INPPL1: variants seen among roughly 807,000 people sequenced by gnomAD.
INPPL1 encodes the protein phosphatidylinositol 3,4,5-trisphosphate 5-phosphatase 2.
A neutral mutation model predicts 139.3 loss-of-function variants in INPPL1; 91 were observed. The ratio of observed to expected loss-of-function variants is 0.65; its 90% confidence interval spans 0.55 to 0.78. INPPL1 has a LOEUF of 0.78. Ranked by LOEUF, INPPL1 falls within the 30% of genes least tolerant of loss-of-function variation. INPPL1 has a pLI of 0.00. For synonymous variants in INPPL1, 719 were observed against 686.6 expected, an observed-to-expected ratio of 1.05 and a Z score of -0.74; for missense variants, 1,411 against 1,665.6, an observed-to-expected ratio of 0.85 and a Z score of 2.66.
At chr11:72,237,960 C>T in intron 26 of INPPL1, 82 bp from the exon 27 acceptor site, 1 of 1,472,510 alleles carries the variant, frequency 6.8e-7, no homozygotes, top group Admixed American at 2.6e-5. Context: ...CCTTCCTTTT[C>T]CCCAGAGCAT....
rs112903949 is a variant in INPPL1, at chr11:72,234,732, A to AGT, written c.2415+148_2415+149dup. On this transcript the variant is annotated intron_variant, in intron 21 of 27. Coordinates refer to ENST00000298229, the MANE Select transcript of INPPL1 (RefSeq NM_001567.4). The surrounding 1 kb of genome is among the most constrained non-coding windows in gnomAD (Gnocchi z 4.2). ...GGGGCCAGCAGAGAGAGAGAGAGAG[A>AGT]GTGTGTGTGTGTGTGTGTGTGTGTG... 61,714 of 514,928 alleles carry AGT rather than the reference A, an allele frequency of 0.12. 1,577 individuals carry two copies. Among genetic ancestry groups the AGT allele is most frequent in the Non-Finnish European group, 0.14 (40,020 of 289,470 alleles). The allele number at this position is 514,928 out of a possible 1,614,324, so 31.9% of individuals were successfully genotyped here. A position where few individuals can be genotyped will look rare whatever the true frequency, so the allele number is the denominator to read the frequency against.
chr11:72,226,945 C>T (rs1948692305), intron 1 of INPPL1, among the ~76,000 whole-genome samples: 1 of 151,996 alleles, frequency 6.6e-6, no homozygotes, highest in Admixed American at 6.6e-5. Context: ...GGTGAGGGGT[C>T]TGTCTGTGAG....
Position 72,235,630 on chromosome 11 carries a change from C to T in INPPL1, c.2660-45C>T. The T allele has an allele frequency of 6.2e-7, 1 of 1,600,280 alleles. No homozygotes were observed. The highest frequency in any genetic ancestry group is 8.6e-7 in the Non-Finnish European group (1 of 1,168,406). On this transcript the variant is annotated intron_variant, in intron 23 of 27. Transcript: ENST00000298229. The surrounding 1 kb of genome is among the most constrained non-coding windows in gnomAD (Gnocchi z 4.9). ...CAGGCCCACTGGGTGTCTGTGGGAT[C>T]CAGGAGCCCAGGTCTCCTCTGAGTC...
rs1948789350 is a variant in INPPL1, at chr11:72,230,100, G to T, written c.940-21G>T. 5 of 1,611,562 alleles carry T rather than the reference G, an allele frequency of 3.1e-6. No individual in the cohort carries two copies. In the East Asian group the frequency reaches 1.1e-4, roughly 36 times the overall value. Reference sequence around the variant, plus strand: ...TGCCTACTCCAAGGTCTTGTCAGCAGCCTCCCCACCTGGCCTACAGGTGAA... The same window carrying T: ...TGCCTACTCCAAGGTCTTGTCAGCATCCTCCCCACCTGGCCTACAGGTGAA... On this transcript the variant is annotated intron_variant, in intron 8 of 27. Coordinates refer to ENST00000298229, the MANE Select transcript of INPPL1 (RefSeq NM_001567.4).
rs117865102 is a variant in INPPL1 at position 72,233,380 on chromosome 11, G to A, written c.2041-61G>A. On this transcript the variant is annotated intron_variant, in intron 17 of 27. Coordinates refer to ENST00000298229, the MANE Select transcript of INPPL1 (RefSeq NM_001567.4). ...TGGGGACTCATCAGCTCTGGAGTGG[G>A]GTCCATGCCAAGCAGCCTCCTAGCT... 5.9e-3 allele frequency: 8,426 copies of A among 1,428,080 alleles called. 22 individuals are homozygous for A. Among genetic ancestry groups the A allele is most frequent in the Non-Finnish European group, 7.3e-3 (7,351 of 1,012,324 alleles). The allele number at this position is 1,428,080 out of a possible 1,614,324, so 88.5% of individuals were successfully genotyped here. A position where few individuals can be genotyped will look rare whatever the true frequency, so the allele number is the denominator to read the frequency against.
In INPPL1 at chr11:72,228,156, G is replaced by C; in HGVS notation, c.183-34G>C. On this transcript the variant is annotated intron_variant, in intron 1 of 27. Coordinates refer to ENST00000298229, the MANE Select transcript of INPPL1 (RefSeq NM_001567.4). The surrounding 1 kb of genome is among the most constrained non-coding windows in gnomAD (Gnocchi z 5.0). ...GCTTTGGGTCTTAGACCCCAGCCTG[G>C]GGGTGACAGATTCTGGCCCTGCCTT... The C allele has an allele frequency of 6.2e-7, 1 of 1,612,974 alleles. No homozygotes were observed. The highest frequency in any genetic ancestry group is 8.5e-7 in the Non-Finnish European group (1 of 1,179,004).
At position 72,235,849 on chromosome 11, in the gene INPPL1, A is replaced by G. The variant is rs1275146109; in HGVS notation, c.2742A>G (p.Ser914=). Residue 914 remains serine (S), a synonymous_variant, in exon 25 of 28, where the codon TCA becomes TCG. Coordinates refer to ENST00000298229, the MANE Select transcript of INPPL1 (RefSeq NM_001567.4). This position sits in a 1 kb window ranked among gnomAD's most constrained non-coding sequence, Gnocchi z 4.9. The part of the protein sequence containing the change: ...SVSRGSQEPR[S]GSRKPAFTEA... ...CTCTCCTGTGCATCCCTGGCAGGTC[A>G]GGGAGCCGCAAGCCAGCCTTCACAG... 9 of 1,612,226 alleles carry G rather than the reference A, an allele frequency of 5.6e-6. No homozygotes were observed. Among genetic ancestry groups the G allele is most frequent in the Non-Finnish European group, 7.6e-6 (9 of 1,179,286 alleles).
chr11:72,228,567 C>A lies in INPPL1; in HGVS notation c.397+69C>A, dbSNP rs748448649. On this transcript the variant is annotated intron_variant, in intron 3 of 27. Coordinates refer to ENST00000298229, the MANE Select transcript of INPPL1 (RefSeq NM_001567.4). The surrounding 1 kb of genome is among the most constrained non-coding windows in gnomAD (Gnocchi z 5.0). The stretch of plus-strand genomic sequence containing the variant: ...GCTCTACCTGCCTCTTCCCATCCCC[C>A]CTTCTCAACCCCACCTCTCCTGTAA... 4.2e-5 allele frequency: 66 copies of A among 1,573,670 alleles called. No individual in the cohort carries two copies. Among genetic ancestry groups the A allele is most frequent in the Non-Finnish European group, 5.3e-5 (62 of 1,159,560 alleles).
intron 13 of INPPL1, among the ~76,000 whole-genome samples, chr11:72,231,820 A>G (rs1948843322): frequency 1.3e-5 from 2 of 152,108 alleles, no homozygotes; most frequent in South Asian, 4.1e-4. Context: ...CCCCCTTTTC[A>G]CAGATGATAA....
chr11:72,228,292 C>T lies in INPPL1; in HGVS notation c.246+39C>T. 6.2e-7 allele frequency: 1 copy of T among 1,614,036 alleles called. No individual in the cohort carries two copies. Among genetic ancestry groups the T allele is most frequent in the East Asian group, 2.2e-5 (1 of 44,860 alleles). ...CCCCTGACCCCTGACCTTGATCCAGCCTAGGGCTTGGGGACCTGCTGGCTG... is the reference window on the plus strand; with the variant it reads ...CCCCTGACCCCTGACCTTGATCCAGTCTAGGGCTTGGGGACCTGCTGGCTG... On this transcript the variant is annotated intron_variant, in intron 2 of 27. Transcript: ENST00000298229. The surrounding 1 kb of genome is among the most constrained non-coding windows in gnomAD (Gnocchi z 5.0).
rs2135426714 is a variant in INPPL1 at position 72,230,167 on chromosome 11, C to T, written c.986C>T (p.Ser329Leu). 1 of 1,611,494 alleles carries T rather than the reference C, an allele frequency of 6.2e-7. No individual in the cohort carries two copies. The highest frequency in any genetic ancestry group is 1.1e-5 in the South Asian group (1 of 90,852). Residue 329 changes from serine to leucine, a missense_variant, in exon 9 of 28, where the codon TCA becomes TTA. Coordinates refer to ENST00000298229, the MANE Select transcript of INPPL1 (RefSeq NM_001567.4). ...TLGDLTKIGK[S>L]QKFTLSVDVE... ...GGTGACCTGACCAAGATTGGGAAGT[C>T]ACAGAAGTTCACGCTGAGCGTGGAT... is the stretch of plus-strand genomic sequence containing the variant.
rs1306673982 is a variant in INPPL1 at position 72,231,520 on chromosome 11, A to G, written c.1520A>G (p.Asn507Ser). 1 of 1,613,864 alleles carries G rather than the reference A, an allele frequency of 6.2e-7. No individual in the cohort carries two copies. The change falls in exon 13 of 28, where the codon AAT becomes AGT. Residue 507 changes from asparagine (N) to serine (S), a missense_variant. By Grantham distance (46) the Asn-to-Ser change is conservative. Transcript: ENST00000298229. ...YRPIAMQSLWNIKVAVLVKPE... is the reference protein window; with the variant it reads ...YRPIAMQSLWSIKVAVLVKPE... The stretch of plus-strand genomic sequence containing the variant: ...CAGATTGCCATGCAATCACTGTGGA[A>G]TATCAAGGTGGCAGTGCTGGTCAAG...
Position 72,224,958 on chromosome 11 carries a change from C to T in INPPL1, c.-27C>T, listed in dbSNP as rs1236938188. On this transcript the variant is annotated 5_prime_UTR_variant, in exon 1 of 28. Transcript: ENST00000298229. ...GGCGGATGGCGCGGGGCGGCGGGGG[C>T]GGGCGGTGCTGAGCCCTGCGCGGGC... The T allele has an allele frequency of 4.1e-5, 45 of 1,087,088 alleles. No individual in the cohort carries two copies. Among genetic ancestry groups the T allele is most frequent in the Non-Finnish European group, 5.0e-5 (45 of 896,486 alleles). 67.3% of individuals were successfully genotyped at this position (1,087,088 alleles called of 1,614,324 possible). A position where few individuals can be genotyped will look rare whatever the true frequency, so the allele number is the denominator to read the frequency against.
chr11:72,225,445 G>T (rs1196311221), intron 1 of INPPL1: 2 of 985,264 alleles, frequency 2.0e-6, no homozygotes, highest in Non-Finnish European at 2.4e-6. Flanking sequence ...GGCATTCCCC[G>T]GCAGACCCCT....
chr11:72,231,247 C>G, intron 12 of INPPL1, 58 bp downstream of exon 12: 1 of 1,507,608 alleles, frequency 6.6e-7, no homozygotes, highest in Non-Finnish European at 9.0e-7. Context: ...CCAAACTAGC[C>G]TACTTGACTT....
chr11:72,230,539 G>A lies in INPPL1; in HGVS notation c.1197+71G>A, dbSNP rs1399835932. On this transcript the variant is annotated intron_variant, in intron 10 of 27. Transcript: ENST00000298229. ...CCACATGGGTGCTTCCCATTGGAGG[G>A]TAAGAAAGGGAACACATGATGTAGG... 5.0e-6 allele frequency: 7 copies of A among 1,398,084 alleles called. No homozygotes were observed. In the African/African-American group the frequency reaches 5.7e-5, roughly 11 times the overall value. The allele number at this position is 1,398,084 out of a possible 1,614,324, so 86.6% of individuals were successfully genotyped here. A position where few individuals can be genotyped will look rare whatever the true frequency, so the allele number is the denominator to read the frequency against.
upstream of INPPL1, among the ~76,000 whole-genome samples, chr11:72,224,172 GCC>G: frequency 6.6e-6 from 1 of 152,158 alleles, no homozygotes; most frequent in East Asian, 2.0e-4. Context: ...CCTCGTCTGG[GCC>G]CCCCGCCAGA....
Position 72,238,028 on chromosome 11 carries a change from C to T in INPPL1, c.3553-14C>T, listed in dbSNP as rs1468730167. ...GGGGCACTCAGCTCCCCCTGACATGCCCTGTTTCCTTAGGCTCCGTGCCTG... is the reference window on the plus strand; with the variant it reads ...GGGGCACTCAGCTCCCCCTGACATGTCCTGTTTCCTTAGGCTCCGTGCCTG... On this transcript the variant is annotated splice_polypyrimidine_tract_variant and intron_variant, in intron 26 of 27. Transcript: ENST00000298229. 6.5e-7 allele frequency: 1 copy of T among 1,530,286 alleles called. No individual in the cohort carries two copies. Among genetic ancestry groups the T allele is most frequent in the Non-Finnish European group, 8.8e-7 (1 of 1,140,552 alleles). The allele number at this position is 1,530,286 out of a possible 1,614,324, so 94.8% of individuals were successfully genotyped here. A position where few individuals can be genotyped will look rare whatever the true frequency, so the allele number is the denominator to read the frequency against.
intron 26 of INPPL1, 106 bp downstream of exon 26, chr11:72,237,902 A>T: frequency 6.9e-7 from 1 of 1,450,300 alleles, no homozygotes; most frequent in Non-Finnish European, 9.2e-7. Flanking sequence ...TGCTACCCTG[A>T]ACTGATCACT....
Sources: gnomAD v4.1 joint callset for allele counts (sites outside exome capture counted in the v4.1 genomes callset) on GRCh38, gnomAD v4.1.1 for gene constraint, Gnocchi (gnomAD v3.1) non-coding constraint, MANE v1.5 for transcripts, NCBI Gene and HGNC (gene_info 2026-07-23, HGNC 2026-07-21) for gene names.